Variants in SLC35F4 observed in about 807,000 individuals in gnomAD.
The protein encoded by SLC35F4 is chromosome 14 open reading frame 36.
In SLC35F4, 24 loss-of-function variants were observed where a neutral mutation model predicts 44.2. The observed-to-expected ratio is 0.54, with a 90% CI of 0.39 to 0.76. The LOEUF (loss-of-function observed/expected upper bound fraction) is 0.76. Ranked by LOEUF, SLC35F4 falls within the 30% of genes least tolerant of loss-of-function variation. SLC35F4 has a pLI of 0.00. For synonymous variants in SLC35F4, 238 were observed against 223.6 expected (o/e 1.06, Z -0.57); for missense variants, 562 against 586.1 (o/e 0.96, Z 0.42).
intron 1 of SLC35F4, among the ~76,000 whole-genome samples, chr14:57,913,371 C>A (rs185608539): frequency 6.6e-6 from 1 of 151,956 alleles, no homozygotes; most frequent in East Asian, 1.9e-4. Flanking sequence ...CTTTTTCTGC[C>A]TTTTGTGGTT....
At chr14:57,597,006 A>T (rs2070532412) in intron 1 of SLC35F4, 1 of 638,306 alleles carries the variant, frequency 1.6e-6, no homozygotes, top group Non-Finnish European at 2.3e-6. Flanking sequence ...CCAATCCTGG[A>T]AGCGAAAACA....
At chr14:57,889,489 G>T (rs1888716804) in intron 1 of SLC35F4, among the ~76,000 whole-genome samples, 2 of 152,214 alleles carry the variant, frequency 1.3e-5, no homozygotes, top group Admixed American at 1.3e-4. Flanking sequence ...AAAAGCTCTG[G>T]TCAGACAAGG....
intron 1 of SLC35F4, among the ~76,000 whole-genome samples, chr14:57,917,968 G>A (rs1889363256): frequency 1.3e-5 from 2 of 152,152 alleles, no homozygotes; most frequent in Admixed American, 6.5e-5. Flanking sequence ...GCTGGAGTTA[G>A]GGACTTCTCT....
intron 1 of SLC35F4, among the ~76,000 whole-genome samples, chr14:57,814,614 T>A (rs1046697814): frequency 9.2e-5 from 14 of 152,242 alleles, no homozygotes; most frequent in Non-Finnish European, 1.3e-4. Context: ...TCAAATGTGA[T>A]TTGATGAAAT....
At chr14:57,750,899 G>C (rs2076868527) in intron 1 of SLC35F4, among the ~76,000 whole-genome samples, 1 of 152,248 alleles carries the variant, frequency 6.6e-6, no homozygotes, top group East Asian at 1.9e-4. Context: ...TTGTTGTGAT[G>C]GCTGGTCTTT....
intron 1 of SLC35F4, among the ~76,000 whole-genome samples, chr14:57,950,220 T>C (rs1417749385): frequency 6.6e-6 from 1 of 151,780 alleles, no homozygotes; most frequent in African/African-American, 2.4e-5. Context: ...CTTTGTTCAA[T>C]TTTTTTTATT....
intron 1 of SLC35F4, among the ~76,000 whole-genome samples, chr14:57,672,396 G>A (rs377282340): frequency 6.6e-6 from 1 of 152,034 alleles, no homozygotes; most frequent in African/African-American, 2.4e-5. Flanking sequence ...AGCTATATTA[G>A]GAACAGTGAT....
At chr14:57,865,632 AC>A in intron 1 of SLC35F4, 90 bp downstream of exon 1, 2 of 1,090,776 alleles carry the variant, frequency 1.8e-6, no homozygotes, top group Non-Finnish European at 2.5e-6. Context: ...AGGTGTCCGT[AC>A]CGCGCGCCCG....
At chr14:57,856,745 C>A (rs1887140510) in intron 1 of SLC35F4, among the ~76,000 whole-genome samples, 1 of 151,956 alleles carries the variant, frequency 6.6e-6, no homozygotes, top group Non-Finnish European at 1.5e-5. Context: ...TAAAGAGGCA[C>A]AAATCTTACT....
At chr14:57,762,782 T>C (rs2077154946) in intron 1 of SLC35F4, among the ~76,000 whole-genome samples, 1 of 152,136 alleles carries the variant, frequency 6.6e-6, no homozygotes, top group Non-Finnish European at 1.5e-5. Context: ...CATATTATGA[T>C]GCAGCGAGAA....
chr14:57,964,983 A>G (rs1021136142), intron 1 of SLC35F4, among the ~76,000 whole-genome samples: 1 of 132,776 alleles, frequency 7.5e-6, no homozygotes, highest in Admixed American at 7.2e-5. Flanking sequence ...GGAAAAAAAA[A>G]AAAAAAAAAT....
intron 1 of SLC35F4, among the ~76,000 whole-genome samples, chr14:57,734,521 T>C (rs929489726): frequency 6.6e-6 from 1 of 152,186 alleles, no homozygotes; most frequent in African/African-American, 2.4e-5. Context: ...GTTTTCCCCA[T>C]GGCTAGACTT....
At chr14:57,953,370 T>C (rs141210988) in intron 1 of SLC35F4, among the ~76,000 whole-genome samples, 37 of 152,228 alleles carry the variant, frequency 2.4e-4, no homozygotes, top group African/African-American at 8.7e-4. Flanking sequence ...AGAAACTGCA[T>C]CAACTAATGG....
At chr14:57,752,448 G>T (rs1056649861) in intron 1 of SLC35F4, among the ~76,000 whole-genome samples, 1 of 151,624 alleles carries the variant, frequency 6.6e-6, no homozygotes, top group Non-Finnish European at 1.5e-5. Context: ...AAAGCCCTGA[G>T]GTTTTTTTTT....
At chr14:57,588,153 C>A (rs1367770589) in intron 3 of SLC35F4, among the ~76,000 whole-genome samples, 1 of 152,140 alleles carries the variant, frequency 6.6e-6, no homozygotes, top group South Asian at 2.1e-4. Flanking sequence ...GGTGACAGAG[C>A]AAGACTCTGT....
rs117953214 is a variant in SLC35F4, at chr14:57,966,590, G to A, written n.282+15323C>T. ...AAACTACCAATCCCAAGCAATTTAC[G>A]TGGGGAATAGAGAAAGCACTTCTTA... On this transcript the variant is annotated intron_variant and non_coding_transcript_variant, in intron 1 of 1. Transcript: ENST00000556568. 4.0e-3 allele frequency among the ~76,000 whole-genome samples: 605 copies of A among 152,280 alleles called. 1 individual carries two copies. The highest frequency in any genetic ancestry group is 0.01 in the Middle Eastern group (3 of 294).
chr14:57,980,909 G>A (rs1414719017), intron 1 of SLC35F4, among the ~76,000 whole-genome samples: 1 of 152,146 alleles, frequency 6.6e-6, no homozygotes, highest in Admixed American at 6.5e-5. Flanking sequence ...TCTTTTGGAA[G>A]GTGCTTTAAA....
intron 1 of SLC35F4, among the ~76,000 whole-genome samples, chr14:57,925,492 A>C: frequency 1.3e-5 from 1 of 74,852 alleles, no homozygotes; most frequent in Non-Finnish European, 2.7e-5. Flanking sequence ...GAAGGAAGGA[A>C]GGAAGGGAGG....
chr14:57,781,238 T>C (rs1438944230), intron 1 of SLC35F4, among the ~76,000 whole-genome samples: 2 of 151,938 alleles, frequency 1.3e-5, no homozygotes, highest in African/African-American at 4.8e-5. Context: ...ACCCACTATA[T>C]TAAAAAGTGG....
Sources: gnomAD v4.1 joint callset for allele counts (sites outside exome capture counted in the v4.1 genomes callset) on GRCh38, gnomAD v4.1.1 for gene constraint, MANE v1.5 for transcripts, NCBI Gene and HGNC (gene_info 2026-07-23, HGNC 2026-07-21) for gene names.